Variants in CCDC158 observed in about 807,000 individuals in gnomAD.
CCDC158 encodes coiled-coil domain containing 158.
CCDC158 carries 116 observed loss-of-function variants against 138.6 expected under a neutral mutation model. The observed-to-expected ratio is 0.84, with a 90% confidence interval of 0.72 to 0.98. CCDC158 has a LOEUF of 0.98. CCDC158 is among the 50% of genes least tolerant of loss of function. The pLI is 0.00. For synonymous variants in CCDC158, 436 were observed against 442.4 expected, an observed-to-expected ratio of 0.99 and a Z score of 0.18; for missense variants, 1,265 against 1,306.1, an observed-to-expected ratio of 0.97 and a Z score of 0.48.
intron 15 of CCDC158, among the ~76,000 whole-genome samples, chr4:76,353,780 A>G (rs556476386): frequency 1.3e-5 from 2 of 152,218 alleles, no homozygotes; most frequent in Non-Finnish European, 2.9e-5. Flanking sequence ...TAACAGCCCA[A>G]TGATGACAGT....
intron 1 of CCDC158, among the ~76,000 whole-genome samples, chr4:76,415,103 T>C (rs997861959): frequency 6.6e-6 from 1 of 152,120 alleles, no homozygotes; most frequent in South Asian, 2.1e-4. Flanking sequence ...CAGATGGAGA[T>C]GAGGAACTTG....
intron 12 of CCDC158, among the ~76,000 whole-genome samples, chr4:76,366,456 AT>A (rs943884336): frequency 2.0e-5 from 3 of 151,648 alleles, no homozygotes; most frequent in Admixed American, 6.6e-5. Context: ...TATGAAATCA[AT>A]TTTTTTAAAA....
At position 76,355,417 on chromosome 4, in the gene CCDC158, C is replaced by T. The variant is rs1302983251; in HGVS notation, c.2193G>A (p.Gly731=). 1 of 1,612,762 alleles carries T rather than the reference C, an allele frequency of 6.2e-7. No homozygotes were observed. The highest frequency in any genetic ancestry group is 8.5e-7 in the Non-Finnish European group (1 of 1,179,172). ...TTTTGGCTGTGATTTGCTTTTGCAT[C>T]CCCATTGCCACTTTCATAGCTGGAA... ...SDGHAMKVAM[G]MQKQITAKRG... Residue 731 remains glycine, a synonymous_variant, in exon 15 of 25, where the codon GGG becomes GGA. Transcript: ENST00000682701.
chr4:76,329,359 G>A (rs1720813116), intron 21 of CCDC158, among the ~76,000 whole-genome samples: 2 of 152,124 alleles, frequency 1.3e-5, no homozygotes, highest in South Asian at 2.1e-4. Context: ...GCTGACGCAG[G>A]TGGATCATGA....
chr4:76,411,852 G>A (rs1442315906), intron 2 of CCDC158, among the ~76,000 whole-genome samples: 1 of 152,102 alleles, frequency 6.6e-6, no homozygotes, highest in Non-Finnish European at 1.5e-5. Context: ...CTGCCCCAGA[G>A]ACACCTCTAT....
intron 12 of CCDC158, among the ~76,000 whole-genome samples, chr4:76,366,134 ATCCTTTCTCC>A (rs891403765): frequency 1.8e-4 from 27 of 152,294 alleles, no homozygotes; most frequent in Admixed American, 1.6e-3. Flanking sequence ...TAGAACAACC[ATCCTTTCTCC>A]TCTGATATGC....
At chr4:76,414,195 C>G (rs1392579745) in intron 1 of CCDC158, 1 of 151,898 alleles carries the variant, frequency 6.6e-6, no homozygotes, top group Non-Finnish European at 1.5e-5. Context: ...GATAAGCCAC[C>G]ATTCCCAGCT....
At chr4:76,388,227 C>G (rs1008731940) in intron 4 of CCDC158, among the ~76,000 whole-genome samples, 1 of 151,980 alleles carries the variant, frequency 6.6e-6, no homozygotes, top group Non-Finnish European at 1.5e-5. Flanking sequence ...TGTCTTACAC[C>G]CTAGGTACCA....
At chr4:76,396,144 T>C in intron 4 of CCDC158, 125 bp downstream of exon 4, 1 of 561,756 alleles carries the variant, frequency 1.8e-6, no homozygotes, top group Non-Finnish European at 3.0e-6. Flanking sequence ...TTAACAAATT[T>C]AACCAATAAA....
At chr4:76,345,267 T>C (rs148599734) in intron 18 of CCDC158, 2 of 941,296 alleles carry the variant, frequency 2.1e-6, no homozygotes, top group East Asian at 2.4e-5. Context: ...CCAACGATAC[T>C]ACATGCTCAA....
chr4:76,421,214 G>T (rs1363723983), upstream of CCDC158, among the ~76,000 whole-genome samples: 1 of 152,086 alleles, frequency 6.6e-6, no homozygotes, highest in Admixed American at 6.5e-5. Context: ...CGTGGGTGAC[G>T]GTTAGGACGC....
chr4:76,387,821 T>TA (rs57778797), intron 4 of CCDC158, among the ~76,000 whole-genome samples: 61,302 of 103,756 alleles, frequency 0.59, 18,363 homozygotes, highest in East Asian at 0.79. Flanking sequence ...AGACTACAAC[T>TA]AAAAAAAAAA....
At chr4:76,411,498 C>A (rs769861021) in intron 2 of CCDC158, among the ~76,000 whole-genome samples, 2 of 152,142 alleles carry the variant, frequency 1.3e-5, no homozygotes, top group African/African-American at 2.4e-5. Context: ...TAATAAAGAG[C>A]AATATTGAGT....
Position 76,343,619 on chromosome 4 carries a change from G to A in CCDC158, c.2664+7377C>T, listed in dbSNP as rs138762771. Among the ~76,000 whole-genome samples, 673 of 152,174 alleles carry A rather than the reference G, an allele frequency of 4.4e-3. 1 individual carries two copies. Among genetic ancestry groups the A allele is most frequent in the Middle Eastern group, 0.034 (10 of 294 alleles). ...CACTTGAGACCAGCCTGGCCAACAT[G>A]GCAAAACCCCATCTCTACTAAAAAT... On this transcript the variant is annotated intron_variant, in intron 18 of 24. Coordinates refer to ENST00000682701, the MANE Select transcript of CCDC158 (RefSeq NM_001394954.1).
At chr4:76,366,638 A>ACACACACACACACACACACACAC (rs34680628) in intron 12 of CCDC158, among the ~76,000 whole-genome samples, 1 of 147,866 alleles carries the variant, frequency 6.8e-6, no homozygotes, top group South Asian at 2.1e-4. Flanking sequence ...CACACACACA[A>ACACACACACACACACACACACAC]ACACACACAC....
chr4:76,348,542 A>C (rs1361122080), intron 18 of CCDC158, among the ~76,000 whole-genome samples: 1 of 152,082 alleles, frequency 6.6e-6, no homozygotes, highest in Admixed American at 6.5e-5. Flanking sequence ...AGGTTTCAAC[A>C]TATGAATCTA....
At position 76,396,296 on chromosome 4, in the gene CCDC158, G is replaced by A; in HGVS notation, c.261C>T (p.Val87=). 6.2e-7 allele frequency: 1 copy of A among 1,613,248 alleles called. No individual in the cohort carries two copies. The highest frequency in any genetic ancestry group is 8.5e-7 in the Non-Finnish European group (1 of 1,179,636). The change falls in exon 4 of 25, where the codon GTC becomes GTT. Residue 87 remains valine (V), a synonymous_variant. Coordinates refer to ENST00000682701, the MANE Select transcript of CCDC158 (RefSeq NM_001394954.1). ...CATTTAGTCTTCTCTGTAAATCTTT[G>A]ACTTGATGTGAATATTCTTCCAAAA... is the stretch of plus-strand genomic sequence containing the variant. ...ERVLEEYSHQ[V]KDLQRRLNES...
At chr4:76,377,111 A>G (rs2870234) in intron 9 of CCDC158, among the ~76,000 whole-genome samples, 4,483 of 152,328 alleles carry the variant, frequency 0.029, 222 homozygotes, top group African/African-American at 0.1. Flanking sequence ...TGGACATTTC[A>G]GTATTTGTGA....
chr4:76,355,713 G>A (rs780281196), intron 14 of CCDC158, among the ~76,000 whole-genome samples: 2 of 151,474 alleles, frequency 1.3e-5, no homozygotes, highest in South Asian at 2.1e-4. Flanking sequence ...ACCATGATAC[G>A]TTGCCAGCTT....
Sources: gnomAD v4.1 joint callset for allele counts (sites outside exome capture counted in the v4.1 genomes callset) on GRCh38, gnomAD v4.1.1 for gene constraint, MANE v1.5 for transcripts, NCBI Gene and HGNC (gene_info 2026-07-23, HGNC 2026-07-21) for gene names.